The following ZFR variants were observed in gnomAD, a reference collection of about 807,000 sequenced individuals.
The protein encoded by ZFR is zinc finger RNA-binding protein.
ZFR carries 19 observed loss-of-function variants against 130.7 expected under a neutral mutation model. That is an observed-to-expected ratio of 0.15 (90% CI 0.10 to 0.21). The LOEUF is 0.21. Ranked by LOEUF, ZFR falls within the 10% of genes least tolerant of loss-of-function variation. The pLI is 1.00. For synonymous variants in ZFR, 466 were observed against 456.9 expected (o/e 1.02, Z -0.25); for missense variants, 872 against 1,321.5 (o/e 0.66, Z 5.27).
intron 17 of ZFR, among the ~76,000 whole-genome samples, chr5:32,376,643 C>A (rs1178009213): frequency 6.7e-6 from 1 of 149,650 alleles, no homozygotes; most frequent in African/African-American, 2.5e-5. Context: ...CAGGTGTGAA[C>A]TAATTTGTCA....
At chr5:32,406,401 A>G (rs1157949697) in intron 6 of ZFR, among the ~76,000 whole-genome samples, 1 of 152,216 alleles carries the variant, frequency 6.6e-6, no homozygotes, top group East Asian at 1.9e-4. Flanking sequence ...ATATTAAGTT[A>G]AAGAATTTTG....
rs374234258 is a variant in ZFR at position 32,355,852 on chromosome 5, G to A, written c.3133C>T (p.His1045Tyr). ...LPQMSQRFNI[H>Y]NNRKRRRDSD... Reference sequence around the variant, plus strand: ...TCTCTTCTTCGTTTCCTGTTGTTGTGGATGTTAAAACGTTGGCTCATTTGC... The same window carrying A: ...TCTCTTCTTCGTTTCCTGTTGTTGTAGATGTTAAAACGTTGGCTCATTTGC... Residue 1045 changes from histidine to tyrosine, a missense_variant, in exon 20 of 20, where the codon CAC becomes TAC. Coordinates refer to ENST00000265069, the MANE Select transcript of ZFR (RefSeq NM_016107.5). 6.2e-7 allele frequency: 1 copy of A among 1,611,340 alleles called. No individual in the cohort carries two copies. Among genetic ancestry groups the A allele is most frequent in the African/African-American group, 1.3e-5 (1 of 74,620 alleles).
At chr5:32,441,067 C>T (rs898210513) in intron 2 of ZFR, among the ~76,000 whole-genome samples, 12 of 152,230 alleles carry the variant, frequency 7.9e-5, no homozygotes, top group African/African-American at 2.4e-4. Flanking sequence ...TCCACCTCCC[C>T]GGTTCAAGCG....
rs1208010614 is a variant in ZFR, at chr5:32,354,990, A to G, written c.*770T>C. 6.6e-6 allele frequency: 1 copy of G among 152,258 alleles called. No individual in the cohort carries two copies. The highest frequency in any genetic ancestry group is 2.4e-5 in the African/African-American group (1 of 41,474). The allele number at this position is 152,258 out of a possible 1,614,324, so 9.4% of individuals were successfully genotyped here. On this transcript the variant is annotated 3_prime_UTR_variant, in exon 20 of 20. Transcript: ENST00000265069. ...CCTAAAATTATGATTTTAAAAGTCT[A>G]TTAAAAACAAGAATGTCATGCATTT...
At chr5:32,403,572 G>A (rs576399788) in intron 7 of ZFR, among the ~76,000 whole-genome samples, 175 bp from the exon 8 acceptor site, 1 of 152,240 alleles carries the variant, frequency 6.6e-6, no homozygotes, top group African/African-American at 2.4e-5. Flanking sequence ...GATAATCTCT[G>A]TGAAGCAAAT....
Position 32,433,891 on chromosome 5 carries a change from G to C in ZFR, c.137+10338C>G, listed in dbSNP as rs540870695. On this transcript the variant is annotated intron_variant, in intron 2 of 19. Transcript: ENST00000265069. ...AATCCAGGAGCTTGAGACCAACCTG[G>C]GCAACATGGCAAAAACCCCATCTCT... is the stretch of plus-strand genomic sequence containing the variant. 3.3e-5 allele frequency among the ~76,000 whole-genome samples: 5 copies of C among 152,106 alleles called. No individual in the cohort carries two copies. The East Asian group carries it at 9.7e-4, about 29-fold the overall frequency.
chr5:32,389,104 T>C (rs1045347719), intron 12 of ZFR, among the ~76,000 whole-genome samples: 1 of 152,188 alleles, frequency 6.6e-6, no homozygotes, highest in African/African-American at 2.4e-5. Flanking sequence ...AAACAAATCT[T>C]GTTTTTGGTA....
At chr5:32,381,462 T>C (rs1561874098) in intron 15 of ZFR, among the ~76,000 whole-genome samples, 1 of 152,082 alleles carries the variant, frequency 6.6e-6, no homozygotes, top group Non-Finnish European at 1.5e-5. Context: ...TTAAATATAA[T>C]AGTCCTTTGG....
chr5:32,415,552 G>T (rs1241078426), intron 4 of ZFR, among the ~76,000 whole-genome samples: 2 of 150,916 alleles, frequency 1.3e-5, no homozygotes, highest in African/African-American at 4.9e-5. Flanking sequence ...GTCTACTTCA[G>T]TTAGGCTTAA....
intron 4 of ZFR, among the ~76,000 whole-genome samples, chr5:32,415,499 TGTGTGTGTGTGTGTGTGC>T (rs1753800450): frequency 9.8e-6 from 1 of 102,496 alleles, no homozygotes; most frequent in African/African-American, 4.1e-5. Flanking sequence ...TGTGTGTGTG[TGTGTGTGTGTGTGTGTGC>T]GCGCGCGCGC....
intron 5 of ZFR, among the ~76,000 whole-genome samples, chr5:32,408,255 C>G (rs751174500): frequency 1.6e-4 from 23 of 147,224 alleles, no homozygotes; most frequent in Admixed American, 6.2e-4. Flanking sequence ...CCTTATAGAT[C>G]TGTTCTAAAA....
At chr5:32,421,987 T>C (rs781469422) in intron 2 of ZFR, among the ~76,000 whole-genome samples, 15 of 152,096 alleles carry the variant, frequency 9.9e-5, no homozygotes, top group Non-Finnish European at 1.5e-4. Context: ...AAAATACAAA[T>C]ACAACAGGTC....
chr5:32,373,732 C>G (rs761596628), intron 17 of ZFR, among the ~76,000 whole-genome samples: 3 of 151,002 alleles, frequency 2.0e-5, no homozygotes, highest in Non-Finnish European at 4.4e-5. Context: ...ATACTAGGAG[C>G]GAATTTTAAA....
intron 2 of ZFR, among the ~76,000 whole-genome samples, chr5:32,440,519 C>T (rs1232370164): frequency 3.9e-5 from 6 of 151,990 alleles, no homozygotes; most frequent in East Asian, 3.9e-4. Context: ...TGGTGGCACA[C>T]GCCTGTAATC....
intron 14 of ZFR, among the ~76,000 whole-genome samples, chr5:32,386,576 C>T (rs1261845666): frequency 6.6e-6 from 1 of 151,990 alleles, no homozygotes; most frequent in African/African-American, 2.4e-5. Context: ...CTTCATTGCC[C>T]TAGCAGCCTC....
chr5:32,428,970 T>C (rs1309889578), intron 2 of ZFR, among the ~76,000 whole-genome samples: 3 of 134,016 alleles, frequency 2.2e-5, no homozygotes, highest in African/African-American at 8.3e-5. Context: ...AAAGTCTTCT[T>C]ACATCTTTTT....
chr5:32,396,708 C>T (rs1388896597), intron 10 of ZFR, among the ~76,000 whole-genome samples: 2 of 152,016 alleles, frequency 1.3e-5, no homozygotes, highest in Non-Finnish European at 1.5e-5. Flanking sequence ...CATGCCACTG[C>T]ACTCCAGCCT....
chr5:32,438,970 C>T (rs527535697), intron 2 of ZFR, among the ~76,000 whole-genome samples: 23 of 152,272 alleles, frequency 1.5e-4, no homozygotes, highest in African/African-American at 4.3e-4. Context: ...GATTCAAACT[C>T]TATATAGTTC....
chr5:32,386,267 CTG>C (rs1463799958), intron 14 of ZFR, among the ~76,000 whole-genome samples: 3 of 152,050 alleles, frequency 2.0e-5, no homozygotes. Context: ...GCACCTATTT[CTG>C]TAAGATGGAG....
Sources: gnomAD v4.1 joint callset for allele counts (sites outside exome capture counted in the v4.1 genomes callset) on GRCh38, gnomAD v4.1.1 for gene constraint, MANE v1.5 for transcripts, NCBI Gene and HGNC (gene_info 2026-07-23, HGNC 2026-07-21) for gene names.